TENT4B: variants seen among roughly 807,000 people sequenced by gnomAD.
TENT4B encodes PAP associated domain containing 5.
In TENT4B, 10 loss-of-function variants were observed where a neutral mutation model predicts 75.0. The observed-to-expected ratio is 0.13, with a 90% CI of 0.08 to 0.23. TENT4B has a LOEUF of 0.23. TENT4B is among the 10% of genes least tolerant of loss of function. The pLI is 1.00. For synonymous variants in TENT4B, 350 were observed against 357.7 expected (o/e 0.98, Z 0.24); for missense variants, 579 against 893.8 (o/e 0.65, Z 4.49).
chr16:50,234,068 G>A lies in TENT4B; in HGVS notation c.*4740G>A. ...GGTAACATGGAAGGTCTCTCCTAAGGACAGTCTGGACGTATTTTGGGGGAA... is the reference window on the plus strand; with the variant it reads ...GGTAACATGGAAGGTCTCTCCTAAGAACAGTCTGGACGTATTTTGGGGGAA... On this transcript the variant is annotated 3_prime_UTR_variant, in exon 12 of 12. Transcript: ENST00000561678. The A allele has an allele frequency of 1.0e-6, 1 of 985,446 alleles. No homozygotes were observed. Among genetic ancestry groups the A allele is most frequent in the Non-Finnish European group, 1.2e-6 (1 of 829,948 alleles). 61.0% of individuals were successfully genotyped at this position (985,446 alleles called of 1,614,324 possible). A position where few individuals can be genotyped will look rare whatever the true frequency, so the allele number is the denominator to read the frequency against.
Position 50,174,071 on chromosome 16 carries a change from A to G in TENT4B, c.638+19812A>G, listed in dbSNP as rs140228103. ...GATCTTTTGCCCATTTTTTAATCAG[A>G]TTGTTCTTTTATTGCTTCTGGGGTT... On this transcript the variant is annotated intron_variant, in intron 1 of 11. Transcript: ENST00000561678. 1.1e-4 allele frequency among the ~76,000 whole-genome samples: 16 copies of G among 151,938 alleles called. No individual in the cohort carries two copies. In the East Asian group the frequency reaches 3.1e-3, roughly 29 times the overall value.
At chr16:50,173,726 C>T (rs979661757) in intron 1 of TENT4B, among the ~76,000 whole-genome samples, 3 of 152,176 alleles carry the variant, frequency 2.0e-5, no homozygotes, top group Non-Finnish European at 4.4e-5. Context: ...TGGAATCTCG[C>T]TCTATTGCCC....
chr16:50,232,452 T>C lies in TENT4B; in HGVS notation c.*3124T>C. ...TCCTAGATCTGCACAGGGCAAAACA[T>C]GGGCTATAGGGTGAGCATTTTTAAT... is the stretch of plus-strand genomic sequence containing the variant. On this transcript the variant is annotated 3_prime_UTR_variant, in exon 12 of 12. Coordinates refer to ENST00000561678, the MANE Select transcript of TENT4B (RefSeq NM_001365324.3). 1 of 985,426 alleles carries C rather than the reference T, an allele frequency of 1.0e-6. No homozygotes were observed. The highest frequency in any genetic ancestry group is 1.2e-6 in the Non-Finnish European group (1 of 829,934). The allele number at this position is 985,426 out of a possible 1,614,324, so 61.0% of individuals were successfully genotyped here.
chr16:50,207,184 ATTT>A (rs1016049738), intron 1 of TENT4B, among the ~76,000 whole-genome samples: 1 of 151,030 alleles, frequency 6.6e-6, no homozygotes, highest in Non-Finnish European at 1.5e-5. Context: ...TTTTTTAAAA[ATTT>A]TTTTATTTTT....
intron 1 of TENT4B, among the ~76,000 whole-genome samples, chr16:50,175,620 T>C (rs2038292534): frequency 6.6e-6 from 1 of 151,796 alleles, no homozygotes. Context: ...GAGTAGCACA[T>C]GACACCACGC....
At chr16:50,172,337 T>A (rs2038221410) in intron 1 of TENT4B, among the ~76,000 whole-genome samples, 1 of 151,802 alleles carries the variant, frequency 6.6e-6, no homozygotes, top group Non-Finnish European at 1.5e-5. Context: ...AGAGCGAGAC[T>A]CTGTCTCCAA....
chr16:50,162,478 TACC>T (rs1198142002), intron 1 of TENT4B, among the ~76,000 whole-genome samples: 1 of 152,228 alleles, frequency 6.6e-6, no homozygotes, highest in Middle Eastern at 3.2e-3. Context: ...CATTTAGTGT[TACC>T]ACTTTTTTAT....
chr16:50,154,205 T>G lies in TENT4B; in HGVS notation c.584T>G (p.Val195Gly), dbSNP rs916882978. ...AGGGRADGGGVVYSGTPWKRR... is the reference protein window; with the variant it reads ...AGGGRADGGGGVYSGTPWKRR... ...GGCGGCCGAGCAGACGGCGGCGGGGTCGTGTACAGCGGGACCCCGTGGAAA... is the reference window on the plus strand; with the variant it reads ...GGCGGCCGAGCAGACGGCGGCGGGGGCGTGTACAGCGGGACCCCGTGGAAA... The change falls in exon 1 of 12, where the codon GTC (valine) becomes GGC (glycine). Residue 195 changes from valine (V) to glycine (G), a missense_variant. Transcript: ENST00000561678. The G allele has an allele frequency of 6.7e-7, 1 of 1,499,300 alleles. No individual in the cohort carries two copies. The highest frequency in any genetic ancestry group is 1.3e-5 in the South Asian group (1 of 78,622). The allele number at this position is 1,499,300 out of a possible 1,614,324, so 92.9% of individuals were successfully genotyped here. A position where few individuals can be genotyped will look rare whatever the true frequency, so the allele number is the denominator to read the frequency against.
At position 50,225,213 on chromosome 16, in the gene TENT4B, T is replaced by G; in HGVS notation, c.1728T>G (p.Ser576Arg). Residue 576 changes from serine (S) to arginine (R), a missense_variant, in exon 10 of 12, where the codon AGT becomes AGG. By Grantham distance (110) the Ser-to-Arg change is moderately radical. This residue lies in a region of TENT4B where 164 missense variants were observed against 226.5 expected (regional missense o/e 0.72). Transcript: ENST00000561678. ...KCRSKTSESL[S>R]KHSSNSSSGP... ...GAAGTAAAACCTCGGAATCTCTTAGTAAACACTCTTCAAACTCTTCATCAG... is the reference window on the plus strand; with the variant it reads ...GAAGTAAAACCTCGGAATCTCTTAGGAAACACTCTTCAAACTCTTCATCAG... The G allele has an allele frequency of 6.2e-7, 1 of 1,614,016 alleles. No homozygotes were observed. The highest frequency in any genetic ancestry group is 2.2e-5 in the East Asian group (1 of 44,886).
chr16:50,153,298 C>T (rs1031260273), upstream of TENT4B, among the ~76,000 whole-genome samples: 3 of 140,668 alleles, frequency 2.1e-5, no homozygotes, highest in South Asian at 2.2e-4. Flanking sequence ...CCGCCGCCGC[C>T]GCTCGCTCTT....
intron 1 of TENT4B, among the ~76,000 whole-genome samples, chr16:50,191,518 C>T (rs2038638524): frequency 6.6e-6 from 1 of 152,178 alleles, no homozygotes; most frequent in African/African-American, 2.4e-5. Context: ...AAGCAGTCCT[C>T]CTGCTTCAGC....
intron 1 of TENT4B, among the ~76,000 whole-genome samples, chr16:50,169,177 CATTTTAA>C (rs2150679432): frequency 6.6e-6 from 1 of 152,222 alleles, no homozygotes; most frequent in South Asian, 2.1e-4. Flanking sequence ...GTTTGAGGTA[CATTTTAA>C]ATCTTAATTT....
At position 50,231,654 on chromosome 16, in the gene TENT4B, G is replaced by C. The variant is rs906362167; in HGVS notation, c.*2326G>C. 2.0e-6 allele frequency: 2 copies of C among 985,780 alleles called. No individual in the cohort carries two copies. Among genetic ancestry groups the C allele is most frequent in the Middle Eastern group, 5.2e-4 (1 of 1,912 alleles). 61.1% of individuals were successfully genotyped at this position (985,780 alleles called of 1,614,324 possible). Reference sequence around the variant, plus strand: ...AAATAGTTTTTCCTGTACTGCTGAAGTTTCTTTTTGGTAAACAGTATCTTT... The same window carrying C: ...AAATAGTTTTTCCTGTACTGCTGAACTTTCTTTTTGGTAAACAGTATCTTT... On this transcript the variant is annotated 3_prime_UTR_variant, in exon 12 of 12. Coordinates refer to ENST00000561678, the MANE Select transcript of TENT4B (RefSeq NM_001365324.3).
In TENT4B at chr16:50,154,858, T is replaced by A. The variant is rs78122333; in HGVS notation, c.638+599T>A. 6.4e-3 allele frequency among the ~76,000 whole-genome samples: 971 copies of A among 152,268 alleles called. 9 individuals are homozygous for A. The highest frequency in any genetic ancestry group is 0.022 in the African/African-American group (930 of 41,540). On this transcript the variant is annotated intron_variant, in intron 1 of 11. Transcript: ENST00000561678. ...ACCCTTTGGCCCATCTTTTTATTTT[T>A]AAAAAATTCCCATGTCACAGATGCC...
chr16:50,169,749 A>C (rs1036444756), intron 1 of TENT4B, among the ~76,000 whole-genome samples: 3 of 152,152 alleles, frequency 2.0e-5, no homozygotes, highest in Non-Finnish European at 4.4e-5. Flanking sequence ...CAGGAAAGTG[A>C]AGTGGGCTTG....
rs1878129054 is a variant in TENT4B at position 50,214,297 on chromosome 16, CT to C, written c.809+34del. The C allele has an allele frequency of 2.0e-6, 3 of 1,526,230 alleles. No homozygotes were observed. The African/African-American group carries it at 4.1e-5, about 21-fold the overall frequency. 94.5% of individuals were successfully genotyped at this position (1,526,230 alleles called of 1,614,324 possible). ...GTACACTCATGAATCTTTCAAAGGA[CT>C]TTTCTTAGAGTGTATTCATTTTGGC... On this transcript the variant is annotated intron_variant, in intron 3 of 11. Coordinates refer to ENST00000561678, the MANE Select transcript of TENT4B (RefSeq NM_001365324.3).
intron 3 of TENT4B, 127 bp from the exon 4 acceptor site, chr16:50,215,948 T>C: frequency 9.0e-7 from 1 of 1,115,926 alleles, no homozygotes; most frequent in Non-Finnish European, 1.3e-6. Flanking sequence ...CACCAACACA[T>C]TTAGTCTTCG....
intron 1 of TENT4B, among the ~76,000 whole-genome samples, chr16:50,197,522 C>G (rs993934413): frequency 6.6e-6 from 1 of 152,186 alleles, no homozygotes; most frequent in Non-Finnish European, 1.5e-5. Flanking sequence ...CTCCTGGGCT[C>G]AAGCAATCTG....
intron 1 of TENT4B, among the ~76,000 whole-genome samples, chr16:50,157,351 A>G (rs932483372): frequency 2.6e-5 from 4 of 152,202 alleles, no homozygotes; most frequent in Non-Finnish European, 2.9e-5. Context: ...CTGAACTCTC[A>G]AAGGTACTCA....
Sources: allele counts gnomAD v4.1 joint callset (sites outside exome capture counted in the v4.1 genomes callset), GRCh38; gene constraint gnomAD v4.1.1; regional missense constraint gnomAD v4.1.1; transcripts MANE v1.5; gene names NCBI Gene and HGNC (gene_info 2026-07-23, HGNC 2026-07-21).